Variants in PTPRM observed in about 807,000 individuals in gnomAD.
The protein encoded by PTPRM is receptor-type tyrosine-protein phosphatase mu.
Under a neutral mutation model 186.7 loss-of-function variants are expected in PTPRM, and 47 were observed. The ratio of observed to expected loss-of-function variants is 0.25; its 90% CI spans 0.20 to 0.32. The LOEUF (loss-of-function observed/expected upper bound fraction) is 0.32. Ranked by LOEUF, PTPRM falls within the 10% of genes least tolerant of loss-of-function variation. PTPRM has a pLI of 1.00. For missense variants in PTPRM, 1,494 were observed against 1,865.0 expected (o/e 0.80, Z 3.66); for synonymous variants, 668 against 674.9 (o/e 0.99, Z 0.16).
chr18:8,037,701 A>C (rs2086421369), intron 7 of PTPRM, among the ~76,000 whole-genome samples: 1 of 151,850 alleles, frequency 6.6e-6, no homozygotes, highest in Admixed American at 6.6e-5. Context: ...TAAAATCTTA[A>C]GTGAGTTAAT....
intron 31 of PTPRM, among the ~76,000 whole-genome samples, chr18:8,393,414 A>G (rs750977958): frequency 1.3e-5 from 2 of 152,192 alleles, no homozygotes; most frequent in Non-Finnish European, 2.9e-5. Context: ...TTTATATTCT[A>G]CAAATCACTG....
chr18:8,115,301 C>G (rs2091913844), intron 13 of PTPRM, among the ~76,000 whole-genome samples: 1 of 152,072 alleles, frequency 6.6e-6, no homozygotes, highest in Admixed American at 6.6e-5. Flanking sequence ...TCTCTCTGAA[C>G]CTAGTAACCA....
chr18:8,187,653 G>A (rs184359332), intron 14 of PTPRM, among the ~76,000 whole-genome samples: 2 of 152,204 alleles, frequency 1.3e-5, no homozygotes, highest in East Asian at 1.9e-4. Context: ...GAGTAGGTGA[G>A]AGCCTAGACT....
intron 7 of PTPRM, among the ~76,000 whole-genome samples, chr18:8,006,987 C>T (rs2084226652): frequency 1.3e-5 from 2 of 152,272 alleles, no homozygotes; most frequent in South Asian, 4.1e-4. Context: ...CTGTAGGATA[C>T]TTGTCAACTC....
chr18:8,370,796 A>C (rs1240855308), intron 23 of PTPRM, 94 bp from the exon 24 acceptor site: 2 of 666,094 alleles, frequency 3.0e-6, no homozygotes, highest in Admixed American at 2.8e-5. Context: ...TTTGTGTGCA[A>C]ATTTTGTCCT....
At chr18:7,611,065 A>G (rs1171842917) in intron 1 of PTPRM, among the ~76,000 whole-genome samples, 1 of 152,208 alleles carries the variant, frequency 6.6e-6, no homozygotes, top group Non-Finnish European at 1.5e-5. Flanking sequence ...AGTTTTTAAC[A>G]AACAAAAAAA....
intron 14 of PTPRM, among the ~76,000 whole-genome samples, chr18:8,186,228 A>C (rs959815705): frequency 4.7e-5 from 7 of 150,162 alleles, no homozygotes; most frequent in African/African-American, 1.7e-4. Flanking sequence ...AGGGAGCCTG[A>C]GGCAGGAGAA....
At chr18:8,286,858 G>A (rs1457416073) in intron 19 of PTPRM, among the ~76,000 whole-genome samples, 1 of 151,990 alleles carries the variant, frequency 6.6e-6, no homozygotes, top group East Asian at 1.9e-4. Flanking sequence ...GAAGAGCCTG[G>A]GAATTGTGCT....
At chr18:8,369,332 G>A (rs997131929) in intron 23 of PTPRM, among the ~76,000 whole-genome samples, 1 of 152,230 alleles carries the variant, frequency 6.6e-6, no homozygotes, top group Admixed American at 6.5e-5. Context: ...CAAGTAAATA[G>A]CACTGGGATT....
intron 1 of PTPRM, among the ~76,000 whole-genome samples, chr18:7,630,860 G>A (rs911513625): frequency 6.6e-6 from 1 of 152,096 alleles, no homozygotes; most frequent in Non-Finnish European, 1.5e-5. Context: ...ATTTTGCCTT[G>A]TTATCTATGA....
chr18:7,625,266 A>G (rs1156248389), intron 1 of PTPRM, among the ~76,000 whole-genome samples: 3 of 152,346 alleles, frequency 2.0e-5, no homozygotes, highest in East Asian at 1.9e-4. Flanking sequence ...TAGCTTATCA[A>G]TAAATCAGAA....
At chr18:8,160,809 G>C (rs1335810909) in intron 14 of PTPRM, among the ~76,000 whole-genome samples, 1 of 152,162 alleles carries the variant, frequency 6.6e-6, no homozygotes, top group Non-Finnish European at 1.5e-5. Flanking sequence ...TTCCTCCAAG[G>C]GTGTTTGATA....
intron 2 of PTPRM, among the ~76,000 whole-genome samples, chr18:7,855,366 TC>T (rs2047047552): frequency 6.6e-6 from 1 of 152,160 alleles, no homozygotes. Flanking sequence ...AGTGCCTCAT[TC>T]CCATCTCCAC....
intron 7 of PTPRM, among the ~76,000 whole-genome samples, chr18:7,974,989 A>C (rs1213503382): frequency 6.6e-6 from 1 of 152,172 alleles, no homozygotes; most frequent in South Asian, 2.1e-4. Flanking sequence ...TTGGATCAGG[A>C]ATCTGCATTT....
intron 2 of PTPRM, among the ~76,000 whole-genome samples, chr18:7,830,756 G>A (rs1426275009): frequency 6.6e-6 from 1 of 152,192 alleles, no homozygotes; most frequent in Non-Finnish European, 1.5e-5. Flanking sequence ...CCAGTGGAGG[G>A]CAAAGCTGAA....
intron 1 of PTPRM, among the ~76,000 whole-genome samples, chr18:7,745,447 A>G (rs1047317033): frequency 2.0e-5 from 3 of 152,230 alleles, no homozygotes; most frequent in African/African-American, 7.2e-5. Flanking sequence ...CAGAGCTCTC[A>G]GAAGACTCAC....
At chr18:7,874,823 C>T (rs1006155234) in intron 2 of PTPRM, among the ~76,000 whole-genome samples, 3 of 152,180 alleles carry the variant, frequency 2.0e-5, no homozygotes, top group South Asian at 4.2e-4. Flanking sequence ...TTTAATTATC[C>T]TATAGCTCCC....
intron 14 of PTPRM, among the ~76,000 whole-genome samples, chr18:8,232,318 A>G (rs1021750589): frequency 6.6e-6 from 1 of 152,176 alleles, no homozygotes; most frequent in Admixed American, 6.5e-5. Flanking sequence ...ACAATATTCC[A>G]TTGTCTAAAT....
chr18:8,069,764 G>T lies in PTPRM; in HGVS notation c.1211G>T (p.Gly404Val), dbSNP rs1482978017. 6.2e-7 allele frequency: 1 copy of T among 1,613,754 alleles called. No individual in the cohort carries two copies. Among genetic ancestry groups the T allele is most frequent in the African/African-American group, 1.3e-5 (1 of 74,922 alleles). The change falls in exon 8 of 33, where the codon GGA becomes GTA. Residue 404 changes from glycine to valine, a missense_variant. Physicochemically the swap from Gly to Val is moderately radical, Grantham distance 109 (BLOSUM62 -3). Around this residue, in one of 3 missense-constraint regions of PTPRM, gnomAD observed 91 missense variants for 169.3 expected, o/e 0.54. Coordinates refer to ENST00000580170, the MANE Select transcript of PTPRM (RefSeq NM_001105244.2). ...ATCACTATCCGCTGGGAGCCATTTG[G>T]ATATAATGTAACTCGTTGCCACAGT... The part of the protein sequence containing the change: ...RQITIRWEPF[G>V]YNVTRCHSYN...
Sources: allele counts gnomAD v4.1 joint callset (sites outside exome capture counted in the v4.1 genomes callset), GRCh38; gene constraint gnomAD v4.1.1; regional missense constraint gnomAD v4.1.1; transcripts MANE v1.5; gene names NCBI Gene and HGNC (gene_info 2026-07-23, HGNC 2026-07-21).